The following ITSN1 variants were observed in gnomAD, a reference collection of about 807,000 sequenced individuals.
ITSN1 encodes the protein intersectin 1, also known as intersectin-1.
A neutral mutation model predicts 239.8 loss-of-function variants in ITSN1; 58 were observed. That is an observed-to-expected ratio of 0.24 (90% CI 0.20 to 0.30). ITSN1 has a LOEUF of 0.30. Among genes scored for constraint, ITSN1 ranks in the 10% least tolerant of loss-of-function variants. The pLI is 1.00. For missense variants in ITSN1, 1,558 were observed against 2,103.3 expected (o/e 0.74, Z 5.07); for synonymous variants, 780 against 770.8 (o/e 1.01, Z -0.20).
chr21:33,822,572 T>G (rs983623146), intron 24 of ITSN1, among the ~76,000 whole-genome samples: 1 of 152,130 alleles, frequency 6.6e-6, no homozygotes, highest in Non-Finnish European at 1.5e-5. Flanking sequence ...TTTCTGAGAG[T>G]GTGATTTGGT....
At chr21:33,735,281 G>A (rs758047996) in intron 5 of ITSN1, 77 bp downstream of exon 5, 386 of 1,420,838 alleles carry the variant, frequency 2.7e-4, no homozygotes, top group South Asian at 3.6e-4. Flanking sequence ...TTTCCCTCTC[G>A]GTTTATAACA....
At position 33,731,309 on chromosome 21, in the gene ITSN1, G is replaced by T. The variant is rs572184189; in HGVS notation, c.186-3735G>T. On this transcript the variant is annotated intron_variant, in intron 4 of 39. Coordinates refer to ENST00000381318, the MANE Select transcript of ITSN1 (RefSeq NM_003024.3). ...AGAGACCATACTGGGCAGTGGTGTG[G>T]GGAACAGGGAGTGGGCACCTGCCTG... Among the ~76,000 whole-genome samples, 9 of 152,248 alleles carry T rather than the reference G, an allele frequency of 5.9e-5. No homozygotes were observed. The South Asian group carries it at 1.9e-3, about 32-fold the overall frequency.
intron 28 of ITSN1, among the ~76,000 whole-genome samples, chr21:33,834,821 C>T (rs1428043723): frequency 1.3e-5 from 2 of 151,010 alleles, no homozygotes; most frequent in Admixed American, 6.6e-5. Flanking sequence ...AGCTGGGGGC[C>T]ACGGGGGTTG....
intron 31 of ITSN1, among the ~76,000 whole-genome samples, chr21:33,860,765 GA>G (rs996149664): frequency 6.6e-6 from 1 of 152,114 alleles, no homozygotes; most frequent in African/African-American, 2.4e-5. Context: ...TGCCCCCGTG[GA>G]AAAAAACATG....
chr21:33,829,450 C>G (rs2074164288), intron 26 of ITSN1, 174 bp from the exon 27 acceptor site: 5 of 660,602 alleles, frequency 7.6e-6, no homozygotes, highest in South Asian at 1.9e-5. Context: ...CCGTGTCTGC[C>G]TGGTAGCTCT....
At position 33,858,904 on chromosome 21, in the gene ITSN1, C is replaced by G. The variant is rs1979899444; in HGVS notation, c.3890+112C>G. 5 of 454,700 alleles carry G rather than the reference C, an allele frequency of 1.1e-5. No individual in the cohort carries two copies. In the South Asian group the frequency reaches 1.8e-4, roughly 17 times the overall value. The allele number at this position is 454,700 out of a possible 1,614,324, so 28.2% of individuals were successfully genotyped here. A position where few individuals can be genotyped will look rare whatever the true frequency, so the allele number is the denominator to read the frequency against. On this transcript the variant is annotated intron_variant, in intron 31 of 39. Coordinates refer to ENST00000381318, the MANE Select transcript of ITSN1 (RefSeq NM_003024.3). ...CATGCTGCCCTGTGCTTCTTTCTGG[C>G]TTTTTTTTTTTCTTCTCATTGCCAC...
chr21:33,704,890 C>T (rs2092175518), intron 1 of ITSN1, among the ~76,000 whole-genome samples: 1 of 142,610 alleles, frequency 7.0e-6, no homozygotes, highest in African/African-American at 2.7e-5. Context: ...AGATTGAGAC[C>T]ATCCTGGCTA....
intron 22 of ITSN1, chr21:33,817,553 T>C (rs1569242393): frequency 7.7e-7 from 1 of 1,304,078 alleles, no homozygotes; most frequent in Non-Finnish European, 1.0e-6. Context: ...CTTGGTTGTT[T>C]TTATCTCTGT....
Position 33,865,228 on chromosome 21 carries a change from T to C in ITSN1, c.3968T>C (p.Leu1323Pro). 1 of 1,613,704 alleles carries C rather than the reference T, an allele frequency of 6.2e-7. No individual in the cohort carries two copies. The highest frequency in any genetic ancestry group is 8.5e-7 in the Non-Finnish European group (1 of 1,179,910). Reference sequence around the variant, plus strand: ...ATTGGAGACATCCTGAGCGCACAGCTGCCGCACATGCAGCCCTACATCCGC... The same window carrying C: ...ATTGGAGACATCCTGAGCGCACAGCCGCCGCACATGCAGCCCTACATCCGC... ...KMIGDILSAQ[L>P]PHMQPYIRFC... The change falls in exon 32 of 40, where the codon CTG becomes CCG. Residue 1323 changes from leucine (L) to proline (P), a missense_variant. Leu to Pro is a moderately conservative substitution (Grantham distance 98, BLOSUM62 -3). Coordinates refer to ENST00000381318, the MANE Select transcript of ITSN1 (RefSeq NM_003024.3). This position sits in a 1 kb window ranked among gnomAD's most constrained non-coding sequence, Gnocchi z 4.4.
intron 34 of ITSN1, among the ~76,000 whole-genome samples, chr21:33,881,525 C>T (rs1390778111): frequency 6.6e-6 from 1 of 151,914 alleles, no homozygotes; most frequent in Non-Finnish European, 1.5e-5. Context: ...TGGAGAGAGA[C>T]GGGGGCTGCT....
intron 4 of ITSN1, among the ~76,000 whole-genome samples, chr21:33,725,263 G>A (rs1402961120): frequency 1.3e-5 from 2 of 150,840 alleles, no homozygotes; most frequent in Admixed American, 6.6e-5. Context: ...AGCCTCCTGA[G>A]TAGCTGGGAT....
At chr21:33,860,402 G>A (rs1227634957) in intron 31 of ITSN1, among the ~76,000 whole-genome samples, 1 of 152,050 alleles carries the variant, frequency 6.6e-6, no homozygotes, top group Non-Finnish European at 1.5e-5. Context: ...TGGGGGAGGC[G>A]GGAGATGTTT....
At chr21:33,804,733 C>G (rs927021271) in intron 20 of ITSN1, among the ~76,000 whole-genome samples, 4 of 152,164 alleles carry the variant, frequency 2.6e-5, no homozygotes, top group Non-Finnish European at 4.4e-5. Flanking sequence ...TGAAGTTTAT[C>G]TTGAGAACAC....
intron 29 of ITSN1, among the ~76,000 whole-genome samples, chr21:33,840,196 A>G (rs1419457617): frequency 6.6e-6 from 1 of 152,180 alleles, no homozygotes; most frequent in Non-Finnish European, 1.5e-5. Context: ...AGATTAAACT[A>G]CTTCAGTCAT....
At chr21:33,761,830 C>G in intron 8 of ITSN1, 93 bp from the exon 9 acceptor site, 2 of 869,122 alleles carry the variant, frequency 2.3e-6, no homozygotes, top group Non-Finnish European at 4.0e-6. Flanking sequence ...TGCATGAGGT[C>G]ATGGAGTAGT....
chr21:33,876,153 C>CTTTTTCTT (rs752690648), intron 34 of ITSN1, among the ~76,000 whole-genome samples: 7 of 124,656 alleles, frequency 5.6e-5, no homozygotes, highest in African/African-American at 2.2e-4. Context: ...TTCTTTCTTT[C>CTTTTTCTT]TCTCTCTCCC....
At chr21:33,743,132 A>G (rs143650612) in intron 5 of ITSN1, among the ~76,000 whole-genome samples, 278 of 152,310 alleles carry the variant, frequency 1.8e-3, no homozygotes, top group Non-Finnish European at 3.4e-3. Context: ...ATACTAACTG[A>G]AGAAAAATAG....
chr21:33,856,394 C>T (rs1160178106), intron 29 of ITSN1, among the ~76,000 whole-genome samples: 2 of 152,124 alleles, frequency 1.3e-5, no homozygotes, highest in Admixed American at 6.5e-5. Flanking sequence ...TCTGAGGGCT[C>T]GGGGTGTGTC....
At chr21:33,776,174 C>G (rs1315485477) in intron 14 of ITSN1, among the ~76,000 whole-genome samples, 1 of 151,956 alleles carries the variant, frequency 6.6e-6, no homozygotes, top group African/African-American at 2.4e-5. Flanking sequence ...ATGTACAAGT[C>G]TTTATGTGGA....
Sources: allele counts gnomAD v4.1 joint callset (sites outside exome capture counted in the v4.1 genomes callset), GRCh38; gene constraint gnomAD v4.1.1; non-coding constraint Gnocchi (gnomAD v3.1); transcripts MANE v1.5; gene names NCBI Gene and HGNC (gene_info 2026-07-23, HGNC 2026-07-21).